SARNP: variants seen among roughly 807,000 people sequenced by gnomAD.
SARNP encodes SAP domain containing ribonucleoprotein.
A neutral mutation model predicts 38.1 loss-of-function variants in SARNP; 5 were observed. The observed-to-expected ratio is 0.13, with a 90% CI of 0.07 to 0.28. SARNP has a LOEUF of 0.28. SARNP is among the 10% of genes least tolerant of loss of function. SARNP has a pLI of 1.00. For missense variants in SARNP, 180 were observed against 243.9 expected (o/e 0.74, Z 1.75); for synonymous variants, 84 against 80.6 (o/e 1.04, Z -0.23).
intron 7 of SARNP, chr12:55,793,587 G>A (rs1043685534): frequency 6.6e-6 from 1 of 151,252 alleles, no homozygotes; most frequent in Admixed American, 6.6e-5. Context: ...TTTGGTTATG[G>A]TGAACCCTCA....
intron 9 of SARNP, among the ~76,000 whole-genome samples, chr12:55,767,644 G>A (rs12827896): frequency 0.23 from 34,458 of 151,420 alleles, 4,925 homozygotes; most frequent in Middle Eastern, 0.35. Context: ...TCAGGAGATC[G>A]AGACCATCCT....
chr12:55,768,002 A>G lies in SARNP; in HGVS notation c.502-7362T>C, dbSNP rs542887174. On this transcript the variant is annotated intron_variant, in intron 9 of 10. Transcript: ENST00000336133. ...CCCTTTAGCTTCAAGGAAAATGAGT[A>G]TATATTTGGACAGATGACTAAGGGT... is the stretch of plus-strand genomic sequence containing the variant. 3.3e-5 allele frequency among the ~76,000 whole-genome samples: 5 copies of G among 152,262 alleles called. No individual in the cohort carries two copies. The South Asian group carries it at 1.0e-3, about 32-fold the overall frequency.
At chr12:55,757,261 A>C (rs1878535473), downstream of SARNP, 1 of 349,370 alleles carries the variant, frequency 2.9e-6, no homozygotes, top group Non-Finnish European at 5.2e-6. Flanking sequence ...CACCTAATAA[A>C]ACACATTGTT....
chr12:55,812,512 T>A (rs1218813703), intron 1 of SARNP, among the ~76,000 whole-genome samples: 1 of 152,230 alleles, frequency 6.6e-6, no homozygotes, highest in Non-Finnish European at 1.5e-5. Context: ...CAAGTCTTCA[T>A]CATCAGCTTT....
intron 9 of SARNP, among the ~76,000 whole-genome samples, chr12:55,776,350 T>C (rs2136187172): frequency 6.6e-6 from 1 of 152,174 alleles, no homozygotes; most frequent in East Asian, 1.9e-4. Flanking sequence ...TGGGATTACT[T>C]GAGCCTAGGA....
chr12:55,760,932 T>A (rs1023809336), intron 9 of SARNP: 1 of 286,700 alleles, frequency 3.5e-6, no homozygotes, highest in Non-Finnish European at 6.5e-6. Flanking sequence ...ATCCTAGCAC[T>A]TTGGGAGGCT....
At chr12:55,817,578 CGGAGAAGACGTA>C in intron 1 of SARNP, 76 bp downstream of exon 1, 1 of 1,277,042 alleles carries the variant, frequency 7.8e-7, no homozygotes, top group South Asian at 1.3e-5. Flanking sequence ...AAAGGCTGCA[CGGAGAAGACGTA>C]GGAGAAGGCG....
At chr12:55,787,032 C>A (rs1438606195) in intron 9 of SARNP, among the ~76,000 whole-genome samples, 3 of 151,676 alleles carry the variant, frequency 2.0e-5, no homozygotes. Context: ...GAGTTTGAGA[C>A]CAGCTGGGCA....
intron 9 of SARNP, among the ~76,000 whole-genome samples, chr12:55,780,720 A>G (rs1302823053): frequency 1.3e-5 from 2 of 152,162 alleles, no homozygotes; most frequent in Non-Finnish European, 2.9e-5. Flanking sequence ...CTTGTGCATT[A>G]GGGCCAATAT....
intron 10 of SARNP, chr12:55,760,301 G>C: frequency 2.1e-6 from 1 of 481,370 alleles, no homozygotes; most frequent in Non-Finnish European, 3.6e-6. Flanking sequence ...AGGAGTTTGA[G>C]ACCAGCCTGA....
At chr12:55,774,585 A>AAAG (rs1879115689) in intron 9 of SARNP, among the ~76,000 whole-genome samples, 1 of 148,898 alleles carries the variant, frequency 6.7e-6, no homozygotes. Context: ...CAAACAAAAA[A>AAAG]AAAAAAACAA....
intron 5 of SARNP, among the ~76,000 whole-genome samples, chr12:55,795,708 A>AT (rs1391870600): frequency 6.6e-6 from 1 of 152,212 alleles, no homozygotes; most frequent in Non-Finnish European, 1.5e-5. Flanking sequence ...CAGTAGCAAC[A>AT]TAAGAGTCAC....
intron 1 of SARNP, among the ~76,000 whole-genome samples, chr12:55,810,048 G>A (rs950650156): frequency 6.6e-6 from 1 of 152,162 alleles, no homozygotes; most frequent in African/African-American, 2.4e-5. Context: ...CCAACCCACA[G>A]AGAAAAGACA....
chr12:55,759,875 C>A (rs1878623049), intron 10 of SARNP, among the ~76,000 whole-genome samples: 1 of 151,886 alleles, frequency 6.6e-6, no homozygotes, highest in Admixed American at 6.6e-5. Flanking sequence ...GTAGCTGGGA[C>A]TATAGGTGTG....
At chr12:55,778,863 C>G (rs953572701) in intron 9 of SARNP, among the ~76,000 whole-genome samples, 2 of 152,052 alleles carry the variant, frequency 1.3e-5, no homozygotes, top group Non-Finnish European at 2.9e-5. Context: ...CCAAGCTATT[C>G]AGGAGGCTGA....
intron 1 of SARNP, among the ~76,000 whole-genome samples, chr12:55,815,043 G>A (rs10083186): frequency 0.081 from 12,328 of 152,098 alleles, 692 homozygotes; most frequent in African/African-American, 0.15. Context: ...TTATGACAAT[G>A]GAGAGATTTT....
chr12:55,795,706 A>G (rs1377647371), intron 5 of SARNP, among the ~76,000 whole-genome samples: 1 of 152,244 alleles, frequency 6.6e-6, no homozygotes, highest in East Asian at 1.9e-4. Context: ...GCCAGTAGCA[A>G]CATAAGAGTC....
chr12:55,807,620 G>A (rs992797162), intron 1 of SARNP, among the ~76,000 whole-genome samples: 5 of 149,218 alleles, frequency 3.4e-5, no homozygotes, highest in African/African-American at 9.9e-5. Flanking sequence ...GGCTAGCACG[G>A]TGAAACCCCG....
intron 10 of SARNP, chr12:55,760,313 C>CA (rs1878635735): frequency 4.0e-6 from 2 of 503,414 alleles, no homozygotes; most frequent in Admixed American, 3.6e-5. Flanking sequence ...CCAGCCTGAG[C>CA]AACAGAATGA....
Sources: gnomAD v4.1 joint callset for allele counts (sites outside exome capture counted in the v4.1 genomes callset) on GRCh38, gnomAD v4.1.1 for gene constraint, MANE v1.5 for transcripts, NCBI Gene and HGNC (gene_info 2026-07-23, HGNC 2026-07-21) for gene names.